The following BEND5 variants were observed in gnomAD, a reference collection of about 807,000 sequenced individuals.
The protein encoded by BEND5 is BEN domain-containing protein 5.
Under a neutral mutation model 43.9 loss-of-function variants are expected in BEND5, and 22 were observed. The observed-to-expected ratio is 0.50, with a 90% confidence interval of 0.36 to 0.72. The LOEUF is 0.72. Among genes scored for constraint, BEND5 ranks in the 30% least tolerant of loss-of-function variants. The probability of loss-of-function intolerance (pLI) is 0.00; values close to 1 mark genes in which losing one functional copy is unlikely to be tolerated. For missense variants in BEND5, 428 were observed against 550.6 expected (o/e 0.78, Z 2.23); for synonymous variants, 228 against 225.9 (o/e 1.01, Z -0.08).
intron 4 of BEND5, among the ~76,000 whole-genome samples, chr1:48,737,862 C>G (rs1649314616): frequency 6.6e-6 from 1 of 152,076 alleles, no homozygotes. Flanking sequence ...GACGAAATGG[C>G]CTCTGTGGGG....
chr1:48,762,004 C>T (rs1169853716), intron 1 of BEND5, among the ~76,000 whole-genome samples: 1 of 152,082 alleles, frequency 6.6e-6, no homozygotes, highest in Non-Finnish European at 1.5e-5. Context: ...GTAAGGCAGA[C>T]GGGAGAAGAA....
Position 48,759,121 on chromosome 1 carries a change from T to C in BEND5, c.524A>G (p.Asp175Gly), listed in dbSNP as rs1644116756. 6.2e-7 allele frequency: 1 copy of C among 1,612,170 alleles called. No individual in the cohort carries two copies. Among genetic ancestry groups the C allele is most frequent in the African/African-American group, 1.3e-5 (1 of 74,856 alleles). The change falls in exon 3 of 6, where the codon GAT becomes GGT. Residue 175 changes from aspartate to glycine, a missense_variant. Transcript: ENST00000371833. ...PGTEDMDSLE[D>G]AVVPRALYEE... ...ATACAGAGCCCGGGGCACCACAGCA[T>C]CTTCTAGACTGTCCATGTCCTCTGT... is the stretch of plus-strand genomic sequence containing the variant.
chr1:48,753,574 G>A (rs2148638586), intron 3 of BEND5, among the ~76,000 whole-genome samples: 2 of 152,320 alleles, frequency 1.3e-5, no homozygotes, highest in East Asian at 3.9e-4. Context: ...GGTTACAGAG[G>A]TATTAGTGAT....
At position 48,736,369 on chromosome 1, in the gene BEND5, C is replaced by T. The variant is rs1239054205; in HGVS notation, c.978G>A (p.Lys326=). The change falls in exon 5 of 6, where the codon AAG becomes AAA. Residue 326 remains lysine (K), a synonymous_variant. Transcript: ENST00000371833. The surrounding 1 kb of genome is among the most constrained non-coding windows in gnomAD (Gnocchi z 4.0). ...QVTQGDSKYT[K]NLAVMIWGTD... ...TTCCCCAAATCATAACTGCCAAGTT[C>T]TTCGTGTACTTGGAATCTCCTTGGG... 1 of 1,614,096 alleles carries T rather than the reference C, an allele frequency of 6.2e-7. No individual in the cohort carries two copies. Among genetic ancestry groups the T allele is most frequent in the Admixed American group, 1.7e-5 (1 of 60,018 alleles).
At chr1:48,744,067 C>G (rs1434229999) in intron 3 of BEND5, among the ~76,000 whole-genome samples, 1 of 152,208 alleles carries the variant, frequency 6.6e-6, no homozygotes, top group African/African-American at 2.4e-5. Flanking sequence ...CCTGGCTACA[C>G]TATATTTTAA....
chr1:48,750,792 G>GAT (rs1270099937), intron 3 of BEND5, among the ~76,000 whole-genome samples: 1 of 152,196 alleles, frequency 6.6e-6, no homozygotes, highest in Non-Finnish European at 1.5e-5. Flanking sequence ...CTGGGTGATT[G>GAT]CATGGCAGGG....
rs760919716 is a variant in BEND5, at chr1:48,759,184, G to A, written c.461C>T (p.Thr154Met). ...CTCCACGAAGACCTCTTCCGGACAC[G>A]TGCTATGGCCCAGGCTCAGGCCGTT... ...KQNGLSLGHS[T>M]CPEEVFVEAS... Residue 154 changes from threonine to methionine, a missense_variant, in exon 3 of 6, where the codon ACG (threonine) becomes ATG (methionine). By Grantham distance (81) the Thr-to-Met change is moderately conservative. Coordinates refer to ENST00000371833, the MANE Select transcript of BEND5 (RefSeq NM_024603.4). 18 of 1,613,676 alleles carry A rather than the reference G, an allele frequency of 1.1e-5. No individual in the cohort carries two copies. The highest frequency in any genetic ancestry group is 1.6e-4 in the Middle Eastern group (1 of 6,084).
chr1:48,776,452 C>T (rs1251707379), intron 1 of BEND5, among the ~76,000 whole-genome samples, 154 bp downstream of exon 1: 1 of 152,154 alleles, frequency 6.6e-6, no homozygotes, highest in East Asian at 1.9e-4. Flanking sequence ...TTAGAGACAC[C>T]CCGTTCCCAA....
intron 3 of BEND5, among the ~76,000 whole-genome samples, chr1:48,749,888 A>C (rs1379962357): frequency 1.3e-5 from 2 of 152,214 alleles, no homozygotes; most frequent in Non-Finnish European, 2.9e-5. Context: ...AATGCATGTA[A>C]AATGGACCAC....
At chr1:48,756,098 T>C (rs554374631) in intron 3 of BEND5, among the ~76,000 whole-genome samples, 1 of 152,344 alleles carries the variant, frequency 6.6e-6, no homozygotes, top group South Asian at 2.1e-4. Context: ...TGTCAGGCAC[T>C]ATGCGGTGTG....
intron 3 of BEND5, among the ~76,000 whole-genome samples, chr1:48,754,652 C>T (rs1652259128): frequency 6.6e-6 from 1 of 152,114 alleles, no homozygotes; most frequent in Admixed American, 6.6e-5. Flanking sequence ...TTTACATATG[C>T]AAATTACATA....
intron 3 of BEND5, among the ~76,000 whole-genome samples, chr1:48,755,445 C>T (rs1652395734): frequency 6.6e-6 from 1 of 152,204 alleles, no homozygotes; most frequent in African/African-American, 2.4e-5. Flanking sequence ...GAGCTAGGCC[C>T]CTAGCTGAGG....
chr1:48,764,478 A>G (rs1644432666), intron 1 of BEND5, among the ~76,000 whole-genome samples: 1 of 152,200 alleles, frequency 6.6e-6, no homozygotes, highest in Non-Finnish European at 1.5e-5. Flanking sequence ...ATAGAAGCCA[A>G]ATGGGGAAGG....
chr1:48,776,205 G>T (rs893544203), intron 1 of BEND5, among the ~76,000 whole-genome samples: 1 of 152,132 alleles, frequency 6.6e-6, no homozygotes, highest in South Asian at 2.1e-4. Context: ...CTTAATTCTT[G>T]ACAGAAAAGA....
chr1:48,759,004 T>C lies in BEND5; in HGVS notation c.641A>G (p.Gln214Arg). The C allele has an allele frequency of 6.2e-7, 1 of 1,613,982 alleles. No homozygotes were observed. The highest frequency in any genetic ancestry group is 8.5e-7 in the Non-Finnish European group (1 of 1,180,000). ...CCCGTACTCCTTGAGCTTCTTGGCC[T>C]GTTGTACCAGCTGCCTCCGAGTCCG... ...LERTRRQLVQQAKKLKEYGAL... is the reference protein window; with the variant it reads ...LERTRRQLVQRAKKLKEYGAL... Residue 214 changes from glutamine to arginine, a missense_variant, in exon 3 of 6, where the codon CAG becomes CGG. Physicochemically the swap from Gln to Arg is conservative, Grantham distance 43. This residue lies in a region of BEND5 where 243 missense variants were observed against 286.4 expected (regional missense o/e 0.85). Coordinates refer to ENST00000371833, the MANE Select transcript of BEND5 (RefSeq NM_024603.4).
intron 3 of BEND5, among the ~76,000 whole-genome samples, chr1:48,756,820 G>A (rs557845373): frequency 1.3e-5 from 2 of 152,274 alleles, no homozygotes; most frequent in South Asian, 4.1e-4. Flanking sequence ...GATAGGGTGG[G>A]TGGTCTATGC....
At chr1:48,735,088 C>T (rs1210233888) in intron 5 of BEND5, among the ~76,000 whole-genome samples, 2 of 152,180 alleles carry the variant, frequency 1.3e-5, no homozygotes, top group Non-Finnish European at 1.5e-5. Context: ...AGTAGGGTTG[C>T]TATGAGGATA....
chr1:48,739,870 C>G (rs560650765), intron 4 of BEND5, among the ~76,000 whole-genome samples: 3 of 152,318 alleles, frequency 2.0e-5, no homozygotes, highest in Non-Finnish European at 4.4e-5. Context: ...AGGAAACACT[C>G]CTTAATTACT....
At chr1:48,759,320 C>A in intron 2 of BEND5, 36 bp from the exon 3 acceptor site, 1 of 1,537,854 alleles carries the variant, frequency 6.5e-7, no homozygotes. Context: ...CAGGCAAGGG[C>A]AGCTGGGATT....
Sources: allele counts gnomAD v4.1 joint callset (sites outside exome capture counted in the v4.1 genomes callset), GRCh38; gene constraint gnomAD v4.1.1; regional missense constraint gnomAD v4.1.1; non-coding constraint Gnocchi (gnomAD v3.1); transcripts MANE v1.5; gene names NCBI Gene and HGNC (gene_info 2026-07-23, HGNC 2026-07-21).